The following MAPK10 variants were observed in gnomAD, a reference collection of about 807,000 sequenced individuals.
MAPK10 encodes JNK3 alpha protein kinase.
Under a neutral mutation model 59.3 loss-of-function variants are expected in MAPK10, and 25 were observed. That is an observed-to-expected ratio of 0.42 (90% CI 0.31 to 0.59). MAPK10 has a LOEUF of 0.59. Ranked by LOEUF, MAPK10 falls within the 20% of genes least tolerant of loss-of-function variation. The pLI, the probability that MAPK10 is intolerant of heterozygous loss-of-function variation, is 0.15. For missense variants in MAPK10, 351 were observed against 568.9 expected, an observed-to-expected ratio of 0.62 and a Z score of 3.90; for synonymous variants, 190 against 200.5, an observed-to-expected ratio of 0.95 and a Z score of 0.44.
chr4:86,089,139 A>C (rs2052558426), intron 9 of MAPK10: 2 of 1,220,890 alleles, frequency 1.6e-6, no homozygotes, highest in South Asian at 1.3e-5. Context: ...GCAGTACTGC[A>C]TTTGAGACAA....
intron 11 of MAPK10, among the ~76,000 whole-genome samples, chr4:86,036,859 T>C (rs1420886314): frequency 6.6e-6 from 1 of 152,206 alleles, no homozygotes; most frequent in Admixed American, 6.5e-5. Flanking sequence ...AATAAATATG[T>C]GGACACTCTA....
chr4:86,542,103 A>G (rs1406470807), intron 1 of MAPK10, among the ~76,000 whole-genome samples: 1 of 152,164 alleles, frequency 6.6e-6, no homozygotes, highest in African/African-American at 2.4e-5. Flanking sequence ...CATAATGAGT[A>G]TGCATTATAT....
chr4:86,347,729 T>C (rs1729021741), intron 2 of MAPK10, among the ~76,000 whole-genome samples: 1 of 152,112 alleles, frequency 6.6e-6, no homozygotes, highest in African/African-American at 2.4e-5. Context: ...TATCCTTACA[T>C]GGTGGAAAAT....
rs1415239826 is a variant in MAPK10, at chr4:86,101,884, G to A, written c.564+10C>T. 1 of 1,613,540 alleles carries A rather than the reference G, an allele frequency of 6.2e-7. No individual in the cohort carries two copies. Among genetic ancestry groups the A allele is most frequent in the African/African-American group, 1.3e-5 (1 of 75,034 alleles). On this transcript the variant is annotated intron_variant, in intron 7 of 13. Coordinates refer to ENST00000641462, the MANE Select transcript of MAPK10 (RefSeq NM_138982.4). ...CATTTGAATTGTAATCCTAGAGAAGGTGTTCTTACCCTGTGAATAATTCCA... is the reference window on the plus strand; with the variant it reads ...CATTTGAATTGTAATCCTAGAGAAGATGTTCTTACCCTGTGAATAATTCCA...
At chr4:86,033,728 C>T (rs1038853261) in intron 11 of MAPK10, among the ~76,000 whole-genome samples, 1 of 152,198 alleles carries the variant, frequency 6.6e-6, no homozygotes, top group African/African-American at 2.4e-5. Context: ...ATTTGTTCGA[C>T]GGCCTCTGCA....
At chr4:86,136,159 C>G (rs866271524) in intron 4 of MAPK10, among the ~76,000 whole-genome samples, 2 of 152,096 alleles carry the variant, frequency 1.3e-5, no homozygotes, top group Non-Finnish European at 2.9e-5. Flanking sequence ...GGCAGGCCAA[C>G]GTTCACATTC....
At chr4:86,590,487 G>C (rs1259061956) in intron 1 of MAPK10, among the ~76,000 whole-genome samples, 1 of 152,064 alleles carries the variant, frequency 6.6e-6, no homozygotes, top group Non-Finnish European at 1.5e-5. Flanking sequence ...CATTTGATTA[G>C]AATTATACTG....
intron 1 of MAPK10, among the ~76,000 whole-genome samples, chr4:86,476,917 C>T (rs969157805): frequency 3.8e-4 from 58 of 152,304 alleles, no homozygotes; most frequent in African/African-American, 1.1e-3. Context: ...CAGGATTCCT[C>T]CTAAGCCATG....
intron 1 of MAPK10, among the ~76,000 whole-genome samples, chr4:86,402,976 C>T (rs1743913172): frequency 6.6e-6 from 1 of 152,102 alleles, no homozygotes; most frequent in Admixed American, 6.6e-5. Flanking sequence ...ATCACATTGT[C>T]ATGGCTGACA....
intron 1 of MAPK10, among the ~76,000 whole-genome samples, chr4:86,581,917 ATATATATATATATATAT>A (rs1172156196): frequency 6.8e-5 from 4 of 59,116 alleles, no homozygotes; most frequent in Non-Finnish European, 1.8e-4. Context: ...ATATATATAT[ATATATATATATATATAT>A]ATATATATAT....
chr4:86,312,431 T>C (rs2095689441), intron 2 of MAPK10, among the ~76,000 whole-genome samples: 1 of 152,070 alleles, frequency 6.6e-6, no homozygotes, highest in Admixed American at 6.6e-5. Flanking sequence ...ACCGTATATA[T>C]AAAGCAACTT....
chr4:86,522,456 G>A (rs74584368), intron 1 of MAPK10, among the ~76,000 whole-genome samples: 7,121 of 152,176 alleles, frequency 0.047, 219 homozygotes, highest in African/African-American at 0.059. Context: ...TAAATGAGAT[G>A]ATACGTTTAA....
intron 2 of MAPK10, among the ~76,000 whole-genome samples, chr4:86,211,168 A>G (rs1703078265): frequency 6.6e-6 from 1 of 152,070 alleles, no homozygotes; most frequent in Non-Finnish European, 1.5e-5. Context: ...GAAAGATTAT[A>G]TAAAGAAATA....
At chr4:86,242,320 C>A (rs2092780192) in intron 2 of MAPK10, among the ~76,000 whole-genome samples, 1 of 152,102 alleles carries the variant, frequency 6.6e-6, no homozygotes, top group Non-Finnish European at 1.5e-5. Flanking sequence ...GTTGGAGGGT[C>A]TCACCCAGTT....
rs1011835910 is a variant in MAPK10 at position 86,338,046 on chromosome 4, A to G, written c.-7+16484T>C. Among the ~76,000 whole-genome samples, 3 of 152,282 alleles carry G rather than the reference A, an allele frequency of 2.0e-5. No individual in the cohort carries two copies. The East Asian group carries it at 5.8e-4, about 29-fold the overall frequency. ...GGAAATTATAAAAATAATATCTTAGATTTGCAGAGAAGTTGAGAATCTACA... is the reference window on the plus strand; with the variant it reads ...GGAAATTATAAAAATAATATCTTAGGTTTGCAGAGAAGTTGAGAATCTACA... On this transcript the variant is annotated intron_variant, in intron 2 of 13. Transcript: ENST00000641462.
chr4:86,214,539 T>G (rs2148616727), intron 2 of MAPK10, among the ~76,000 whole-genome samples: 1 of 140,634 alleles, frequency 7.1e-6, no homozygotes, highest in Non-Finnish European at 1.5e-5. Context: ...AAAAAAACTG[T>G]TAGAACTGAT....
At chr4:86,049,763 C>T (rs1280489492) in intron 11 of MAPK10, among the ~76,000 whole-genome samples, 1 of 152,058 alleles carries the variant, frequency 6.6e-6, no homozygotes, top group African/African-American at 2.4e-5. Flanking sequence ...TCTCCATTGC[C>T]ATTGAAGTCC....
intron 1 of MAPK10, among the ~76,000 whole-genome samples, chr4:86,392,806 G>C (rs1742413580): frequency 6.6e-6 from 1 of 152,246 alleles, no homozygotes; most frequent in African/African-American, 2.4e-5. Flanking sequence ...GCTGGTGACT[G>C]TGTGTTGGTG....
At chr4:86,278,776 C>G (rs2094684385) in intron 2 of MAPK10, among the ~76,000 whole-genome samples, 1 of 152,040 alleles carries the variant, frequency 6.6e-6, no homozygotes, top group African/African-American at 2.4e-5. Flanking sequence ...AATTCATAAC[C>G]TCAATCAATC....
Sources: allele counts gnomAD v4.1 joint callset (sites outside exome capture counted in the v4.1 genomes callset), GRCh38; gene constraint gnomAD v4.1.1; transcripts MANE v1.5; gene names NCBI Gene and HGNC (gene_info 2026-07-23, HGNC 2026-07-21).